Variants in TRIM9 observed in about 807,000 individuals in gnomAD.
The protein encoded by TRIM9 is tripartite motif containing 9, also known as E3 ubiquitin-protein ligase TRIM9.
A neutral mutation model predicts 78.3 loss-of-function variants in TRIM9; 26 were observed. That is an observed-to-expected ratio of 0.33 (90% confidence interval 0.24 to 0.46). The LOEUF (loss-of-function observed/expected upper bound fraction) is 0.46, where lower values mean the gene tolerates loss of function less well. Ranked by LOEUF, TRIM9 falls within the 20% of genes least tolerant of loss-of-function variation. The pLI is 1.00. For missense variants in TRIM9, 787 were observed against 1,036.4 expected (o/e 0.76, Z 3.30); for synonymous variants, 398 against 416.5 (o/e 0.96, Z 0.54).
chr14:51,050,901 C>T (rs1001517593), intron 1 of TRIM9, among the ~76,000 whole-genome samples: 1 of 152,208 alleles, frequency 6.6e-6, no homozygotes, highest in African/African-American at 2.4e-5. Flanking sequence ...CCTACTCAAG[C>T]CTTCAGATAA....
At chr14:51,015,648 G>C (rs2057109149) in intron 3 of TRIM9, among the ~76,000 whole-genome samples, 1 of 150,422 alleles carries the variant, frequency 6.6e-6, no homozygotes, top group Non-Finnish European at 1.5e-5. Flanking sequence ...CTGGTAGCTG[G>C]GACTACAGGC....
intron 1 of TRIM9, among the ~76,000 whole-genome samples, chr14:51,032,143 CA>C (rs892514331): frequency 6.6e-6 from 1 of 152,068 alleles, no homozygotes; most frequent in African/African-American, 2.4e-5. Context: ...CTTTGAACCA[CA>C]AAAAAATGTA....
chr14:51,033,241 T>C (rs4243567), intron 1 of TRIM9, among the ~76,000 whole-genome samples: 121,498 of 151,940 alleles, frequency 0.8, 48,993 homozygotes, highest in South Asian at 0.85. Context: ...TACAGGTGTG[T>C]GCCACCACAC....
At chr14:50,978,616 C>T (rs541080578) in intron 12 of TRIM9, among the ~76,000 whole-genome samples, 121 of 152,292 alleles carry the variant, frequency 7.9e-4, no homozygotes, top group African/African-American at 2.8e-3. Context: ...CCAACCACAC[C>T]ACTCATGGGC....
chr14:50,997,698 G>A, intron 7 of TRIM9: 2 of 1,162,434 alleles, frequency 1.7e-6, no homozygotes, highest in East Asian at 8.8e-5. Flanking sequence ...GATGTGTATC[G>A]GTGGAGAATG....
In TRIM9 at chr14:50,979,545, C is replaced by T. The variant is rs200195393; in HGVS notation, c.2167G>A (p.Glu723Lys). ...MHNNSHTNRTEGGITKGATIG... is the reference protein window; with the variant it reads ...MHNNSHTNRTKGGITKGATIG... ...GTGGCCCCTTTTGTGATCCCTCCCT[C>T]AGTTCTGTAGGAAAAGAGAAAAATT... Residue 723 changes from glutamate to lysine, a missense_variant, in exon 12 of 13, where the codon GAG (glutamate) becomes AAG (lysine). Glu to Lys is a moderately conservative substitution (Grantham distance 56, BLOSUM62 1). Transcript: ENST00000684578. 6.2e-7 allele frequency: 1 copy of T among 1,613,618 alleles called. No homozygotes were observed. Among genetic ancestry groups the T allele is most frequent in the East Asian group, 2.2e-5 (1 of 44,866 alleles).
At chr14:51,050,928 T>C (rs886085913) in intron 1 of TRIM9, among the ~76,000 whole-genome samples, 1 of 152,338 alleles carries the variant, frequency 6.6e-6, no homozygotes, top group East Asian at 1.9e-4. Context: ...TAGCAACTGG[T>C]ATCTGAATGC....
intron 1 of TRIM9, among the ~76,000 whole-genome samples, chr14:51,074,208 CAGG>C (rs1218607624): frequency 1.4e-4 from 21 of 151,742 alleles, no homozygotes; most frequent in Admixed American, 1.4e-3. Flanking sequence ...CACTTGAGCC[CAGG>C]AGTTCAAGAC....
intron 1 of TRIM9, among the ~76,000 whole-genome samples, chr14:51,028,877 G>A (rs2058483697): frequency 6.6e-6 from 1 of 152,076 alleles, no homozygotes; most frequent in African/African-American, 2.4e-5. Context: ...AAAGAACTCT[G>A]CCTCCTCCTT....
At position 51,026,795 on chromosome 14, in the gene TRIM9, G is replaced by A. The variant is rs544897900; in HGVS notation, c.823-1435C>T. ...CAGATTCTCGCTCTATCCCCTATAA[G>A]TGTGACCTTGAGAAAGTTACCTTTG... On this transcript the variant is annotated intron_variant, in intron 1 of 12. Coordinates refer to ENST00000684578, the MANE Select transcript of TRIM9 (RefSeq NM_001387360.1). Among the ~76,000 whole-genome samples, 5 of 152,292 alleles carry A rather than the reference G, an allele frequency of 3.3e-5. No homozygotes were observed. The East Asian group carries it at 9.6e-4, about 29-fold the overall frequency.
intron 10 of TRIM9, chr14:50,982,670 A>G (rs1312782676): frequency 1.3e-5 from 6 of 465,338 alleles, no homozygotes; most frequent in East Asian, 6.3e-5. Flanking sequence ...ACTTGCATGT[A>G]GGACAGGTTG....
chr14:51,084,124 C>T (rs370824286), intron 1 of TRIM9, among the ~76,000 whole-genome samples: 1 of 152,092 alleles, frequency 6.6e-6, no homozygotes, highest in East Asian at 1.9e-4. Flanking sequence ...TAGTAAGAGT[C>T]TTTATATCTA....
intron 3 of TRIM9, among the ~76,000 whole-genome samples, chr14:51,020,407 G>GCT (rs2057644498): frequency 6.6e-6 from 1 of 152,170 alleles, no homozygotes; most frequent in Non-Finnish European, 1.5e-5. Flanking sequence ...ATAGAAGACA[G>GCT]AACAGCTTTG....
At position 51,085,846 on chromosome 14, in the gene TRIM9, T is replaced by C. The variant is rs1404992898; in HGVS notation, c.822+8272A>G. ...TTAGAAGAGAGACAATGCTCCATGG[T>C]TGAGCTGGTAAAATCTTACTGTCTA... On this transcript the variant is annotated intron_variant, in intron 1 of 12. Coordinates refer to ENST00000684578, the MANE Select transcript of TRIM9 (RefSeq NM_001387360.1). Among the ~76,000 whole-genome samples the C allele has an allele frequency of 2.0e-5, 3 of 152,198 alleles. No individual in the cohort carries two copies. In the East Asian group the frequency reaches 5.8e-4, roughly 29 times the overall value.
chr14:50,998,729 C>G (rs909801646), intron 6 of TRIM9, among the ~76,000 whole-genome samples: 1 of 152,194 alleles, frequency 6.6e-6, no homozygotes, highest in Non-Finnish European at 1.5e-5. Context: ...AGGTTTTCAT[C>G]ACAGTACAGA....
chr14:51,071,387 GAA>G (rs56726763), intron 1 of TRIM9, among the ~76,000 whole-genome samples: 30,992 of 115,894 alleles, frequency 0.27, 3,389 homozygotes, highest in African/African-American at 0.35. Context: ...AAAAAAAAAA[GAA>G]AAAAAAAAAA....
intron 1 of TRIM9, among the ~76,000 whole-genome samples, chr14:51,048,529 A>T (rs2060130672): frequency 1.3e-5 from 2 of 152,262 alleles, no homozygotes; most frequent in Non-Finnish European, 2.9e-5. Flanking sequence ...AGTGACATAA[A>T]GGCCAATATG....
Position 51,094,517 on chromosome 14 carries a change from C to T in TRIM9, c.423G>A (p.Gly141=). 3 of 1,613,430 alleles carry T rather than the reference C, an allele frequency of 1.9e-6. No homozygotes were observed. The highest frequency in any genetic ancestry group is 1.7e-4 in the Middle Eastern group (1 of 6,060). Residue 141 remains glycine (G), a synonymous_variant, in exon 1 of 13, where the codon GGG becomes GGA. Coordinates refer to ENST00000684578, the MANE Select transcript of TRIM9 (RefSeq NM_001387360.1). The part of the protein sequence containing the change: ...CHRSLILDDR[G]LRGFPKNRVL... Reference sequence around the variant, plus strand: ...CGCGATTCTTGGGGAAGCCGCGGAGCCCCCGGTCATCCAGGATGAGGCTGC... The same window carrying T: ...CGCGATTCTTGGGGAAGCCGCGGAGTCCCCGGTCATCCAGGATGAGGCTGC...
Position 51,094,922 on chromosome 14 carries a change from C to T in TRIM9, c.18G>A (p.Glu6=), listed in dbSNP as rs750213825. The part of the protein sequence containing the change: MEEME[E]ELKCPVCGSF... ...AGCCGCACACGGGGCATTTCAACTC[C>T]TCTTCCATCTCCTCCATGGGGACCG... Residue 6 remains glutamate (E), a synonymous_variant, in exon 1 of 13, where the codon GAG becomes GAA. Transcript: ENST00000684578. 9 of 1,497,346 alleles carry T rather than the reference C, an allele frequency of 6.0e-6. No homozygotes were observed. Among genetic ancestry groups the T allele is most frequent in the Admixed American group, 2.3e-5 (1 of 42,564 alleles). 92.8% of individuals were successfully genotyped at this position (1,497,346 alleles called of 1,614,324 possible). A position where few individuals can be genotyped will look rare whatever the true frequency, so the allele number is the denominator to read the frequency against.
Sources: allele counts gnomAD v4.1 joint callset (sites outside exome capture counted in the v4.1 genomes callset), GRCh38; gene constraint gnomAD v4.1.1; transcripts MANE v1.5; gene names NCBI Gene and HGNC (gene_info 2026-07-23, HGNC 2026-07-21).